GRM1: variants seen among roughly 807,000 people sequenced by gnomAD.
The protein encoded by GRM1 is metabotropic glutamate receptor 1.
A neutral mutation model predicts 90.9 loss-of-function variants in GRM1; 33 were observed. That is an observed-to-expected ratio of 0.36 (90% CI 0.28 to 0.49). GRM1 has a LOEUF of 0.49. Among genes scored for constraint, GRM1 ranks in the 20% least tolerant of loss-of-function variants. The pLI is 0.99. For missense variants in GRM1, 1,190 were observed against 1,534.3 expected (o/e 0.78, Z 3.75); for synonymous variants, 700 against 613.2 (o/e 1.14, Z -2.09).
intron 2 of GRM1, among the ~76,000 whole-genome samples, chr6:146,188,954 T>C (rs780862712): frequency 2.0e-5 from 3 of 152,182 alleles, no homozygotes; most frequent in Admixed American, 6.5e-5. Context: ...GAAAACATAG[T>C]CTATGCTAAG....
rs568005285 is a variant in GRM1 at position 146,343,159 on chromosome 6, C to T, written c.1187-9091C>T. ...TGTCCCTAAGTTTGACTTTGGCTAACTTATTTCTCATAGTTCAGTTGGGAT... is the reference window on the plus strand; with the variant it reads ...TGTCCCTAAGTTTGACTTTGGCTAATTTATTTCTCATAGTTCAGTTGGGAT... On this transcript the variant is annotated intron_variant, in intron 3 of 7. Coordinates refer to ENST00000282753, the MANE Select transcript of GRM1 (RefSeq NM_001278064.2). 8.9e-4 allele frequency among the ~76,000 whole-genome samples: 135 copies of T among 152,072 alleles called. 1 individual carries two copies. Among genetic ancestry groups the T allele is most frequent in the Middle Eastern group, 3.4e-3 (1 of 294 alleles).
intron 2 of GRM1, among the ~76,000 whole-genome samples, chr6:146,246,892 G>A (rs1288401398): frequency 6.6e-6 from 1 of 152,156 alleles, no homozygotes; most frequent in African/African-American, 2.4e-5. Flanking sequence ...ATTGTAGTTT[G>A]ATGAAACCAG....
intron 2 of GRM1, among the ~76,000 whole-genome samples, chr6:146,252,537 G>T (rs552388566): frequency 6.6e-6 from 1 of 152,064 alleles, no homozygotes. Context: ...GTTTGAACCC[G>T]GGAGGCAGAG....
chr6:146,224,843 A>T (rs1562539942), intron 2 of GRM1, among the ~76,000 whole-genome samples: 1 of 152,102 alleles, frequency 6.6e-6, no homozygotes, highest in Non-Finnish European at 1.5e-5. Flanking sequence ...AAGTCAAGAA[A>T]ACATAAAAGG....
rs964087630 is a variant in GRM1 at position 146,402,682 on chromosome 6, T to C, written c.2660+2983T>C. ...GATGCTGTAATGAAGAGCTTCCAAC[T>C]GATCTATCTGTTTGAACATTGTTTT... is the stretch of plus-strand genomic sequence containing the variant. On this transcript the variant is annotated intron_variant, in intron 7 of 7. Coordinates refer to ENST00000282753, the MANE Select transcript of GRM1 (RefSeq NM_001278064.2). 7.2e-5 allele frequency among the ~76,000 whole-genome samples: 11 copies of C among 152,308 alleles called. No homozygotes were observed. The South Asian group carries it at 2.3e-3, about 32-fold the overall frequency.
At chr6:146,232,069 C>T (rs577833561) in intron 2 of GRM1, among the ~76,000 whole-genome samples, 4 of 152,160 alleles carry the variant, frequency 2.6e-5, no homozygotes, top group Non-Finnish European at 4.4e-5. Flanking sequence ...GGAAGTACAT[C>T]GCTTACACAT....
intron 7 of GRM1, among the ~76,000 whole-genome samples, chr6:146,412,244 C>T (rs61534945): frequency 0.013 from 1,939 of 152,226 alleles, 47 homozygotes; most frequent in African/African-American, 0.045. Context: ...TTAATATAAG[C>T]CTTATCCTAG....
chr6:146,241,571 C>A (rs1309903381), intron 2 of GRM1, among the ~76,000 whole-genome samples: 1 of 152,092 alleles, frequency 6.6e-6, no homozygotes, highest in Non-Finnish European at 1.5e-5. Context: ...CCTCTTGGCT[C>A]CACTCTTCCC....
intron 1 of GRM1, among the ~76,000 whole-genome samples, chr6:146,108,737 G>A (rs1447255894): frequency 6.6e-6 from 1 of 152,200 alleles, no homozygotes; most frequent in African/African-American, 2.4e-5. Flanking sequence ...ACAGGAAAAT[G>A]TGGGAAAGTT....
At chr6:146,348,936 T>C (rs1785277196) in intron 3 of GRM1, among the ~76,000 whole-genome samples, 1 of 152,210 alleles carries the variant, frequency 6.6e-6, no homozygotes, top group South Asian at 2.1e-4. Flanking sequence ...TTATACCACA[T>C]GCTTTCCTCA....
At chr6:146,117,250 G>T (rs1775786335) in intron 1 of GRM1, among the ~76,000 whole-genome samples, 2 of 150,208 alleles carry the variant, frequency 1.3e-5, no homozygotes, top group African/African-American at 2.4e-5. Flanking sequence ...TGTATTCTCT[G>T]CTATATTACA....
intron 1 of GRM1, among the ~76,000 whole-genome samples, chr6:146,107,688 G>A (rs1775366566): frequency 6.6e-6 from 1 of 152,166 alleles, no homozygotes; most frequent in Admixed American, 6.5e-5. Flanking sequence ...ACATTTGACA[G>A]GTAAGTTTGG....
intron 2 of GRM1, among the ~76,000 whole-genome samples, chr6:146,196,605 G>A (rs956063325): frequency 5.9e-5 from 9 of 151,320 alleles, no homozygotes; most frequent in East Asian, 2.0e-4. Flanking sequence ...ATGCCCGGCC[G>A]TTCAGTTGTT....
intron 2 of GRM1, among the ~76,000 whole-genome samples, chr6:146,235,360 T>A (rs1266631475): frequency 6.6e-6 from 1 of 152,160 alleles, no homozygotes; most frequent in African/African-American, 2.4e-5. Flanking sequence ...TTTTCAGAAG[T>A]TCAAATATGA....
At chr6:146,208,291 A>T (rs987038) in intron 2 of GRM1, among the ~76,000 whole-genome samples, 16,462 of 152,210 alleles carry the variant, frequency 0.11, 1,715 homozygotes, top group African/African-American at 0.27. Context: ...TAATTCTTAC[A>T]TATCTTTTCA....
At chr6:146,349,366 C>A (rs1435413960) in intron 3 of GRM1, among the ~76,000 whole-genome samples, 1 of 151,932 alleles carries the variant, frequency 6.6e-6, no homozygotes, top group African/African-American at 2.4e-5. Context: ...CAGGCGTGAG[C>A]CACCACGCCC....
intron 1 of GRM1, among the ~76,000 whole-genome samples, chr6:146,088,766 C>T (rs998921807): frequency 6.6e-6 from 1 of 152,106 alleles, no homozygotes; most frequent in Non-Finnish European, 1.5e-5. Context: ...AGTAGCTGCC[C>T]CCGTGCCTCT....
At chr6:146,339,835 A>G (rs146971399) in intron 3 of GRM1, among the ~76,000 whole-genome samples, 1 of 152,296 alleles carries the variant, frequency 6.6e-6, no homozygotes, top group Non-Finnish European at 1.5e-5. Context: ...CCTTAACATC[A>G]TAAGCTACGT....
intron 5 of GRM1, 70 bp downstream of exon 5, chr6:146,357,764 A>G: frequency 8.4e-7 from 1 of 1,195,512 alleles, no homozygotes; most frequent in East Asian, 2.4e-5. Context: ...GTAAAGAACA[A>G]CACAGACAAT....
Sources: gnomAD v4.1 joint callset for allele counts (sites outside exome capture counted in the v4.1 genomes callset) on GRCh38, gnomAD v4.1.1 for gene constraint, MANE v1.5 for transcripts, NCBI Gene and HGNC (gene_info 2026-07-23, HGNC 2026-07-21) for gene names.